The following GLI2 variants were observed in gnomAD, a reference collection of about 807,000 sequenced individuals.
GLI2 encodes the protein GLI family zinc finger 2.
In GLI2, 22 loss-of-function variants were observed where a neutral mutation model predicts 78.9. That is an observed-to-expected ratio of 0.28 (90% CI 0.20 to 0.40). GLI2 has a LOEUF of 0.40. Among genes scored for constraint, GLI2 ranks in the 10% least tolerant of loss-of-function variants. The pLI is 1.00. For missense variants in GLI2, 2,097 were observed against 2,213.2 expected (o/e 0.95, Z 1.05); for synonymous variants, 974 against 963.7 (o/e 1.01, Z -0.20).
chr2:120,984,860 T>A, intron 12 of GLI2, 117 bp downstream of exon 12: 1 of 1,023,944 alleles, frequency 9.8e-7, no homozygotes, highest in South Asian at 1.4e-5. Flanking sequence ...CACAGCGATA[T>A]CCCTCCTCTC....
intron 2 of GLI2, among the ~76,000 whole-genome samples, chr2:120,844,571 A>C (rs1687026776): frequency 6.6e-6 from 1 of 152,166 alleles, no homozygotes; most frequent in South Asian, 2.1e-4. Context: ...CATCTGTAAA[A>C]TGGGAAGGTT....
intron 2 of GLI2, among the ~76,000 whole-genome samples, chr2:120,865,939 A>T (rs1272304046): frequency 1.3e-5 from 2 of 152,190 alleles, no homozygotes; most frequent in African/African-American, 2.4e-5. Context: ...TTTCCAGCCC[A>T]ACACCCTGTG....
chr2:120,984,593 C>T lies in GLI2; in HGVS notation c.1755C>T (p.Asp585=), dbSNP rs139202322. 9.3e-6 allele frequency: 15 copies of T among 1,614,242 alleles called. No homozygotes were observed. The highest frequency in any genetic ancestry group is 1.6e-4 in the Middle Eastern group (1 of 6,062). ...DAHVTKKQRN[D]VHLRTPLLKE... ...ACGTCACCAAGAAGCAGCGCAATGA[C>T]GTGCACCTCCGCACACCGCTGCTCA... The change falls in exon 12 of 14, where the codon GAC becomes GAT. Residue 585 remains aspartate (D), a synonymous_variant. Coordinates refer to ENST00000361492, the MANE Select transcript of GLI2 (RefSeq NM_001374353.1).
chr2:120,905,722 C>T (rs1166287229), intron 2 of GLI2, among the ~76,000 whole-genome samples: 2 of 152,218 alleles, frequency 1.3e-5, no homozygotes, highest in African/African-American at 2.4e-5. Context: ...CAGGAACGAA[C>T]GTTCTCCAGG....
At chr2:120,879,393 G>A (rs2104704362) in intron 2 of GLI2, among the ~76,000 whole-genome samples, 1 of 152,306 alleles carries the variant, frequency 6.6e-6, no homozygotes, top group Middle Eastern at 3.4e-3. Flanking sequence ...TTTTGATCAG[G>A]TTTTTGTGTT....
intron 2 of GLI2, among the ~76,000 whole-genome samples, chr2:120,805,772 T>G (rs1684919928): frequency 6.6e-6 from 1 of 152,208 alleles, no homozygotes; most frequent in Admixed American, 6.5e-5. Context: ...TTTTCTGACG[T>G]TTGGTTCTGT....
intron 3 of GLI2, among the ~76,000 whole-genome samples, chr2:120,933,319 C>T (rs1015997495): frequency 3.3e-5 from 5 of 152,244 alleles, no homozygotes; most frequent in Non-Finnish European, 7.4e-5. Flanking sequence ...CACGTGGTTC[C>T]AGGGGAGGAA....
intron 2 of GLI2, among the ~76,000 whole-genome samples, chr2:120,855,620 G>A (rs963223187): frequency 6.6e-6 from 1 of 152,250 alleles, no homozygotes; most frequent in Admixed American, 6.5e-5. Flanking sequence ...CCCCCCAGGG[G>A]AATTGAGATG....
chr2:120,873,303 A>C (rs547055701), intron 2 of GLI2, among the ~76,000 whole-genome samples: 38 of 152,356 alleles, frequency 2.5e-4, no homozygotes, highest in African/African-American at 8.2e-4. Context: ...ATTAAAACTG[A>C]GAAATTTAAA....
chr2:120,805,874 G>T (rs1352035944), intron 2 of GLI2, among the ~76,000 whole-genome samples: 4 of 152,196 alleles, frequency 2.6e-5, no homozygotes, highest in Non-Finnish European at 4.4e-5. Flanking sequence ...ATATTCTGGG[G>T]TTTATCATTT....
intron 2 of GLI2, among the ~76,000 whole-genome samples, chr2:120,817,539 A>G (rs1321264201): frequency 6.6e-6 from 1 of 152,022 alleles, no homozygotes; most frequent in Non-Finnish European, 1.5e-5. Context: ...CCTGGCTTCT[A>G]AGCTCCCCTT....
intron 2 of GLI2, among the ~76,000 whole-genome samples, chr2:120,851,606 G>A (rs1687410959): frequency 6.6e-6 from 1 of 152,192 alleles, no homozygotes; most frequent in African/African-American, 2.4e-5. Context: ...ACTGGAGTCT[G>A]GTGTAGCTCC....
chr2:120,879,460 C>G (rs182349719), intron 2 of GLI2, among the ~76,000 whole-genome samples: 144 of 152,244 alleles, frequency 9.5e-4, no homozygotes, highest in Non-Finnish European at 1.7e-3. Context: ...GAGAGACCTC[C>G]TAGCCAGGCA....
intron 2 of GLI2, among the ~76,000 whole-genome samples, chr2:120,902,164 T>C (rs1678290895): frequency 6.6e-6 from 1 of 151,514 alleles, no homozygotes; most frequent in Non-Finnish European, 1.5e-5. Flanking sequence ...AATTGGCACA[T>C]GCTACAAGCC....
intron 1 of GLI2, among the ~76,000 whole-genome samples, chr2:120,771,604 T>C (rs1683525046): frequency 6.6e-6 from 1 of 152,256 alleles, no homozygotes; most frequent in African/African-American, 2.4e-5. Flanking sequence ...CTGACTGCCC[T>C]TCCAGTCGGG....
chr2:120,741,835 G>A (rs1682555505), intron 1 of GLI2, among the ~76,000 whole-genome samples: 1 of 152,272 alleles, frequency 6.6e-6, no homozygotes, highest in East Asian at 1.9e-4. Flanking sequence ...TGTCGCAGCC[G>A]CACACCGGCC....
At chr2:120,754,854 CTTTTTTTTT>C (rs61059541) in intron 1 of GLI2, among the ~76,000 whole-genome samples, 1 of 143,020 alleles carries the variant, frequency 7.0e-6, no homozygotes, top group Non-Finnish European at 1.5e-5. Flanking sequence ...ACCATTTTTT[CTTTTTTTTT>C]TTTTTTAAGA....
chr2:120,934,592 G>A (rs536412327), intron 3 of GLI2, among the ~76,000 whole-genome samples: 1 of 152,324 alleles, frequency 6.6e-6, no homozygotes, highest in South Asian at 2.1e-4. Context: ...CCAGGCCCAG[G>A]TATGTTAGGG....
At chr2:120,948,475 T>A (rs1224030604) in intron 3 of GLI2, among the ~76,000 whole-genome samples, 1 of 152,126 alleles carries the variant, frequency 6.6e-6, no homozygotes, top group African/African-American at 2.4e-5. Flanking sequence ...AACTGCACCG[T>A]GGAGGCGGAA....
Sources: allele counts gnomAD v4.1 joint callset (sites outside exome capture counted in the v4.1 genomes callset), GRCh38; gene constraint gnomAD v4.1.1; transcripts MANE v1.5; gene names NCBI Gene and HGNC (gene_info 2026-07-23, HGNC 2026-07-21).